The following AGBL1 variants were observed in gnomAD, a reference collection of about 807,000 sequenced individuals.
AGBL1 encodes AGBL carboxypeptidase 1.
In AGBL1, 130 loss-of-function variants were observed where a neutral mutation model predicts 118.9. The ratio of observed to expected loss-of-function variants is 1.09; its 90% CI spans 0.95 to 1.26. The LOEUF (loss-of-function observed/expected upper bound fraction) is 1.26. Ranked by LOEUF, AGBL1 falls within the 50% of genes most tolerant of loss-of-function variation. The pLI is 0.00. For synonymous variants in AGBL1, 555 were observed against 478.9 expected (o/e 1.16, Z -2.08); for missense variants, 1,584 against 1,298.1 (o/e 1.22, Z -3.38).
chr15:86,906,502 C>T (rs992400158), intron 22 of AGBL1, among the ~76,000 whole-genome samples: 5 of 152,216 alleles, frequency 3.3e-5, no homozygotes, highest in African/African-American at 9.6e-5. Context: ...AATTTTCCAG[C>T]TACTATAAAC....
At chr15:86,516,732 C>T (rs924705585) in intron 18 of AGBL1, among the ~76,000 whole-genome samples, 5 of 138,994 alleles carry the variant, frequency 3.6e-5, no homozygotes, top group Non-Finnish European at 6.0e-5. Flanking sequence ...ACCCAGGAGG[C>T]GGAGGTTGCA....
At chr15:86,387,023 T>C (rs1596050839) in intron 17 of AGBL1, among the ~76,000 whole-genome samples, 1 of 152,236 alleles carries the variant, frequency 6.6e-6, no homozygotes, top group South Asian at 2.1e-4. Context: ...TCTGAATAAT[T>C]CCCGTGTAGA....
At chr15:86,364,192 GA>G (rs1335605743) in intron 17 of AGBL1, among the ~76,000 whole-genome samples, 1 of 152,082 alleles carries the variant, frequency 6.6e-6, no homozygotes, top group African/African-American at 2.4e-5. Flanking sequence ...AATACAGTGT[GA>G]AATTCAGGAT....
At chr15:87,022,119 C>T (rs549333105) in intron 24 of AGBL1, among the ~76,000 whole-genome samples, 14 of 152,218 alleles carry the variant, frequency 9.2e-5, no homozygotes, top group African/African-American at 3.1e-4. Flanking sequence ...CAAGGGAACA[C>T]ACTGTGGGAC....
At chr15:86,091,868 C>A (rs1015657853) in intron 1 of AGBL1, among the ~76,000 whole-genome samples, 1 of 152,120 alleles carries the variant, frequency 6.6e-6, no homozygotes, top group Admixed American at 6.6e-5. Flanking sequence ...TCTTGGACAT[C>A]TTTCATACTT....
At chr15:86,324,464 T>A (rs760329632) in intron 17 of AGBL1, among the ~76,000 whole-genome samples, 7 of 152,232 alleles carry the variant, frequency 4.6e-5, no homozygotes, top group Non-Finnish European at 8.8e-5. Flanking sequence ...GTGAGGCAGC[T>A]GTGAACATCT....
chr15:86,285,719 T>A (rs983099683), intron 16 of AGBL1, among the ~76,000 whole-genome samples: 1 of 152,190 alleles, frequency 6.6e-6, no homozygotes, highest in Admixed American at 6.5e-5. Context: ...ATTAGGCATT[T>A]GTTGATTTGT....
At chr15:86,410,612 G>T (rs1477481392) in intron 18 of AGBL1, among the ~76,000 whole-genome samples, 2 of 150,950 alleles carry the variant, frequency 1.3e-5, no homozygotes, top group African/African-American at 2.4e-5. Flanking sequence ...CAAAGGTAAT[G>T]GTTCCTTTTA....
At chr15:86,897,955 T>A (rs571174426) in intron 22 of AGBL1, among the ~76,000 whole-genome samples, 1 of 151,902 alleles carries the variant, frequency 6.6e-6, no homozygotes, top group South Asian at 2.1e-4. Context: ...GTATTTTTTG[T>A]ACATGTGGGG....
chr15:86,337,224 T>A (rs2080385301), intron 17 of AGBL1, among the ~76,000 whole-genome samples: 1 of 152,234 alleles, frequency 6.6e-6, no homozygotes, highest in Non-Finnish European at 1.5e-5. Flanking sequence ...ATGTGTTATT[T>A]TGTTTACATA....
chr15:86,602,941 T>G (rs2084518586), intron 21 of AGBL1, among the ~76,000 whole-genome samples: 1 of 152,148 alleles, frequency 6.6e-6, no homozygotes, highest in Non-Finnish European at 1.5e-5. Context: ...TGACACCTCT[T>G]AAATCAGGCC....
intron 23 of AGBL1, among the ~76,000 whole-genome samples, chr15:86,924,544 T>C (rs1160005286): frequency 2.0e-5 from 3 of 152,170 alleles, no homozygotes; most frequent in Non-Finnish European, 4.4e-5. Flanking sequence ...AGGCATATTG[T>C]TTGTCCAGGT....
intron 17 of AGBL1, among the ~76,000 whole-genome samples, chr15:86,319,052 A>G (rs2141839477): frequency 6.6e-6 from 1 of 152,318 alleles, no homozygotes; most frequent in South Asian, 2.1e-4. Context: ...ATTGCTATAT[A>G]ATATTCCATT....
chr15:86,718,731 G>T (rs2086673816), intron 22 of AGBL1, among the ~76,000 whole-genome samples: 1 of 152,096 alleles, frequency 6.6e-6, no homozygotes. Flanking sequence ...ATCACAGAAG[G>T]GGTATGTAGC....
intron 18 of AGBL1, among the ~76,000 whole-genome samples, chr15:86,459,668 CAATT>C (rs1188910344): frequency 4.6e-5 from 7 of 152,246 alleles, no homozygotes; most frequent in African/African-American, 1.7e-4. Flanking sequence ...ATGGTTATCT[CAATT>C]AATCCCTACC....
chr15:86,938,637 ATCTC>A (rs1230614234), intron 23 of AGBL1, among the ~76,000 whole-genome samples: 1 of 152,122 alleles, frequency 6.6e-6, no homozygotes, highest in East Asian at 1.9e-4. Flanking sequence ...TCAAGCCAAT[ATCTC>A]TCTCTCAGGG....
chr15:86,838,434 A>G (rs994971551), intron 22 of AGBL1, among the ~76,000 whole-genome samples: 3 of 152,038 alleles, frequency 2.0e-5, no homozygotes, highest in African/African-American at 7.2e-5. Flanking sequence ...TTTTTCAACC[A>G]TTTCGTATTT....
chr15:86,749,256 T>C (rs2077808658), intron 22 of AGBL1, among the ~76,000 whole-genome samples: 1 of 152,206 alleles, frequency 6.6e-6, no homozygotes, highest in Non-Finnish European at 1.5e-5. Flanking sequence ...CTAAGTATTG[T>C]ATTCTCTTTG....
chr15:86,965,032 TG>T (rs1184345208), intron 23 of AGBL1, among the ~76,000 whole-genome samples: 7 of 152,202 alleles, frequency 4.6e-5, no homozygotes, highest in Admixed American at 3.9e-4. Context: ...AGTCTATCAC[TG>T]TTGGGCATTT....
Sources: gnomAD v4.1 joint callset for allele counts (sites outside exome capture counted in the v4.1 genomes callset) on GRCh38, gnomAD v4.1.1 for gene constraint, MANE v1.5 for transcripts, NCBI Gene and HGNC (gene_info 2026-07-23, HGNC 2026-07-21) for gene names.